The following ATP2B4 variants were observed in gnomAD, a reference collection of about 807,000 sequenced individuals.
ATP2B4 encodes ATPase plasma membrane Ca2+ transporting 4, also known as plasma membrane calcium-transporting ATPase 4.
Under a neutral mutation model 110.3 loss-of-function variants are expected in ATP2B4, and 39 were observed. The ratio of observed to expected loss-of-function variants is 0.35; its 90% CI spans 0.27 to 0.46. The LOEUF (loss-of-function observed/expected upper bound fraction) is 0.46, where lower values mean the gene tolerates loss of function less well. ATP2B4 is among the 20% of genes least tolerant of loss of function. The pLI is 1.00. For missense variants in ATP2B4, 1,135 were observed against 1,530.9 expected (o/e 0.74, Z 4.32); for synonymous variants, 538 against 571.7 (o/e 0.94, Z 0.84).
chr1:203,723,183 A>G (rs1048577705), intron 18 of ATP2B4, among the ~76,000 whole-genome samples: 2 of 152,026 alleles, frequency 1.3e-5, no homozygotes, highest in Non-Finnish European at 2.9e-5. Flanking sequence ...GGACTCCTCC[A>G]ATATGAGACT....
intron 1 of ATP2B4, among the ~76,000 whole-genome samples, chr1:203,641,965 G>C (rs2102306464): frequency 6.6e-6 from 1 of 152,226 alleles, no homozygotes; most frequent in East Asian, 1.9e-4. Flanking sequence ...GTATTCCTAG[G>C]CTTCCCAATG....
intron 20 of ATP2B4, among the ~76,000 whole-genome samples, chr1:203,730,217 T>C (rs1367343248): frequency 6.8e-6 from 1 of 147,186 alleles, no homozygotes; most frequent in African/African-American, 2.5e-5. Flanking sequence ...GGATGTTATA[T>C]GAAGAGCTGA....
chr1:203,639,206 A>T (rs1033261733), intron 1 of ATP2B4, among the ~76,000 whole-genome samples: 17 of 152,172 alleles, frequency 1.1e-4, no homozygotes, highest in Admixed American at 3.3e-4. Context: ...GGGATCTAAG[A>T]GTCAAGAGGG....
intron 19 of ATP2B4, among the ~76,000 whole-genome samples, chr1:203,725,318 T>C (rs968080919): frequency 1.1e-4 from 17 of 152,100 alleles, no homozygotes; most frequent in Middle Eastern, 3.2e-3. Flanking sequence ...CAGCTAATTT[T>C]TTGTATTTTT....
Position 203,683,389 on chromosome 1 carries a change from C to G in ATP2B4, c.184C>G (p.Pro62Ala). Residue 62 changes from proline (P) to alanine (A), a missense_variant, in exon 2 of 21, where the codon CCT (proline) becomes GCT (alanine). Pro to Ala is a conservative substitution (Grantham distance 27, BLOSUM62 -1). This residue lies in a region of ATP2B4 where 122 missense variants were observed against 125.2 expected (regional missense o/e 0.97). Coordinates refer to ENST00000357681, the MANE Select transcript of ATP2B4 (RefSeq NM_001684.5). ...QNLCSRLKTS[P>A]VEGLSGNPAD... ...TCTCTGCAGTAGACTGAAAACCTCC[C>G]CTGTGGAAGGTAAAGGCCATATCAG... The G allele has an allele frequency of 6.2e-7, 1 of 1,609,596 alleles. No individual in the cohort carries two copies. Among genetic ancestry groups the G allele is most frequent in the African/African-American group, 1.3e-5 (1 of 74,940 alleles).
chr1:203,629,208 G>A lies in ATP2B4; in HGVS notation c.-465+1989G>A, dbSNP rs1019086847. 6.6e-6 allele frequency among the ~76,000 whole-genome samples: 1 copy of A among 152,212 alleles called. No individual in the cohort carries two copies. The highest frequency in any genetic ancestry group is 1.5e-5 in the Non-Finnish European group (1 of 68,032). On this transcript the variant is annotated intron_variant, in intron 1 of 20. Transcript: ENST00000357681. This position sits in a 1 kb window ranked among gnomAD's most constrained non-coding sequence, Gnocchi z 4.6. ...TCCCTACCTGTGTTCTGCTCGAGAAGGGAATGAGGCCTTCCCCAGTGGGCA... is the reference window on the plus strand; with the variant it reads ...TCCCTACCTGTGTTCTGCTCGAGAAAGGAATGAGGCCTTCCCCAGTGGGCA...
intron 15 of ATP2B4, among the ~76,000 whole-genome samples, chr1:203,715,673 C>T (rs1212689196): frequency 6.9e-6 from 1 of 144,008 alleles, no homozygotes; most frequent in East Asian, 2.1e-4. Context: ...AATCTTAATA[C>T]CATTATCTCA....
chr1:203,721,480 G>T, intron 17 of ATP2B4, 70 bp downstream of exon 17: 1 of 1,462,246 alleles, frequency 6.8e-7, no homozygotes, highest in Non-Finnish European at 9.5e-7. Flanking sequence ...AGAAGGTAGC[G>T]TGAGAGCAAG....
intron 1 of ATP2B4, among the ~76,000 whole-genome samples, chr1:203,652,174 T>A (rs1157039989): frequency 2.9e-5 from 4 of 139,802 alleles, no homozygotes; most frequent in Middle Eastern, 4.0e-3. Context: ...ACACAGAGTC[T>A]CACTCTGTCC....
At chr1:203,701,060 C>A in intron 6 of ATP2B4, 137 bp downstream of exon 6, 1 of 1,207,838 alleles carries the variant, frequency 8.3e-7, no homozygotes, top group Non-Finnish European at 1.1e-6. Flanking sequence ...AAACTCCTTG[C>A]TGAGATAAAG....
intron 19 of ATP2B4, among the ~76,000 whole-genome samples, chr1:203,724,957 A>G (rs1170125524): frequency 6.8e-6 from 1 of 147,310 alleles, no homozygotes. Flanking sequence ...GCTCACTGCA[A>G]ACTCTGCCTC....
At chr1:203,674,728 C>G in intron 1 of ATP2B4, among the ~76,000 whole-genome samples, 1 of 136,210 alleles carries the variant, frequency 7.3e-6, no homozygotes. Context: ...ACAGTCTTGG[C>G]TCACTGCAAC....
At chr1:203,645,614 T>C (rs1270748875) in intron 1 of ATP2B4, among the ~76,000 whole-genome samples, 1 of 149,966 alleles carries the variant, frequency 6.7e-6, no homozygotes, top group Non-Finnish European at 1.5e-5. Context: ...TTTCTGGAGA[T>C]GGAATCTTAC....
intron 17 of ATP2B4, 74 bp downstream of exon 17, chr1:203,721,484 G>A (rs2102214944): frequency 6.8e-7 from 1 of 1,461,554 alleles, no homozygotes; most frequent in Non-Finnish European, 9.5e-7. Flanking sequence ...GGTAGCGTGA[G>A]AGCAAGTGCA....
intron 16 of ATP2B4, 139 bp from the exon 17 acceptor site, chr1:203,721,058 A>G: frequency 1.1e-6 from 1 of 892,274 alleles, no homozygotes; most frequent in Non-Finnish European, 1.7e-6. Context: ...AAGGAAGTTA[A>G]GTAGCTTTCT....
At chr1:203,678,075 C>T (rs1431287707) in intron 1 of ATP2B4, among the ~76,000 whole-genome samples, 1 of 152,226 alleles carries the variant, frequency 6.6e-6, no homozygotes, top group Non-Finnish European at 1.5e-5. Context: ...CTGCAGCAGC[C>T]TGAAGCCCTA....
At chr1:203,736,102 T>C (rs1188997994) in intron 20 of ATP2B4, among the ~76,000 whole-genome samples, 1 of 152,220 alleles carries the variant, frequency 6.6e-6, no homozygotes, top group Non-Finnish European at 1.5e-5. Flanking sequence ...TTGTCCAACC[T>C]TCATTAGATA....
intron 20 of ATP2B4, among the ~76,000 whole-genome samples, chr1:203,737,515 C>T (rs1167062533): frequency 6.6e-6 from 1 of 152,160 alleles, no homozygotes; most frequent in South Asian, 2.1e-4. Context: ...TCACTCAATC[C>T]AAATTGCCTT....
chr1:203,695,543 G>A (rs992994752), intron 2 of ATP2B4, among the ~76,000 whole-genome samples: 37 of 152,162 alleles, frequency 2.4e-4, no homozygotes, highest in African/African-American at 8.7e-4. Flanking sequence ...TGATGTGCTT[G>A]GGCACTGGGA....
Sources: allele counts gnomAD v4.1 joint callset (sites outside exome capture counted in the v4.1 genomes callset), GRCh38; gene constraint gnomAD v4.1.1; regional missense constraint gnomAD v4.1.1; non-coding constraint Gnocchi (gnomAD v3.1); transcripts MANE v1.5; gene names NCBI Gene and HGNC (gene_info 2026-07-23, HGNC 2026-07-21).